The following DIAPH1 variants were observed in gnomAD, a reference collection of about 807,000 sequenced individuals.
The protein encoded by DIAPH1 is diaphanous related formin 1.
DIAPH1 carries 46 observed loss-of-function variants against 140.7 expected under a neutral mutation model. The observed-to-expected ratio is 0.33, with a 90% CI of 0.26 to 0.42. The LOEUF (loss-of-function observed/expected upper bound fraction) is 0.42, where lower values mean the gene tolerates loss of function less well. Ranked by LOEUF, DIAPH1 falls within the 10% of genes least tolerant of loss-of-function variation. DIAPH1 has a pLI of 1.00. For missense variants in DIAPH1, 1,310 were observed against 1,558.7 expected, an observed-to-expected ratio of 0.84 and a Z score of 2.69; for synonymous variants, 565 against 551.6, an observed-to-expected ratio of 1.02 and a Z score of -0.34.
intron 7 of DIAPH1, among the ~76,000 whole-genome samples, chr5:141,581,636 T>C (rs1330506403): frequency 1.3e-5 from 2 of 152,082 alleles, no homozygotes; most frequent in African/African-American, 4.8e-5. Flanking sequence ...TAGGTTGAAT[T>C]ACTAAACAGA....
Position 141,618,956 on chromosome 5 carries a change from TC to T in DIAPH1, c.-43del, listed in dbSNP as rs2099903161. On this transcript the variant is annotated 5_prime_UTR_variant, in exon 1 of 28. Coordinates refer to ENST00000389054, the MANE Select transcript of DIAPH1 (RefSeq NM_005219.5). ...GCCGGCGACCCCGCGCCTACGCCGC[TC>T]CCGCCTGGCAGCTCCGCGCCCGCCG... 1.6e-6 allele frequency: 2 copies of T among 1,236,410 alleles called. No individual in the cohort carries two copies. The highest frequency in any genetic ancestry group is 2.2e-6 in the Non-Finnish European group (2 of 922,538). 76.6% of individuals were successfully genotyped at this position (1,236,410 alleles called of 1,614,324 possible). A position where few individuals can be genotyped will look rare whatever the true frequency, so the allele number is the denominator to read the frequency against.
At chr5:141,555,423 T>C (rs1490931041) in intron 18 of DIAPH1, among the ~76,000 whole-genome samples, 3 of 152,196 alleles carry the variant, frequency 2.0e-5, no homozygotes, top group Non-Finnish European at 4.4e-5. Flanking sequence ...GGCAGTCAAA[T>C]GTAGAACCCA....
intron 16 of DIAPH1, among the ~76,000 whole-genome samples, chr5:141,573,184 C>G (rs1045361269): frequency 2.6e-5 from 4 of 152,100 alleles, no homozygotes; most frequent in Non-Finnish European, 5.9e-5. Context: ...CGCCTGTAAT[C>G]CCAGCACTTT....
At chr5:141,520,378 G>A (rs1308070130) in intron 27 of DIAPH1, among the ~76,000 whole-genome samples, 1 of 152,158 alleles carries the variant, frequency 6.6e-6, no homozygotes, top group Non-Finnish European at 1.5e-5. Flanking sequence ...TTGGAGGTGG[G>A]GCCTAGTGGG....
rs182114483 is a variant in DIAPH1, at chr5:141,561,247, T to C, written c.2482+10181A>G. ...GCTCTAAGAAGAGTTGGGGTTATTG[T>C]AGGATCAGGAGGAAAGAATGGTTCC... On this transcript the variant is annotated intron_variant, in intron 18 of 27. Coordinates refer to ENST00000389054, the MANE Select transcript of DIAPH1 (RefSeq NM_005219.5). 4.6e-5 allele frequency among the ~76,000 whole-genome samples: 7 copies of C among 152,212 alleles called. No homozygotes were observed. The East Asian group carries it at 1.4e-3, about 29-fold the overall frequency.
intron 19 of DIAPH1, 133 bp from the exon 20 acceptor site, chr5:141,529,830 TC>T: frequency 1.3e-6 from 1 of 776,634 alleles, no homozygotes; most frequent in Non-Finnish European, 2.2e-6. Context: ...ATGCCTGTAA[TC>T]CCAGCACTTC....
chr5:141,595,167 G>T (rs775038116), intron 1 of DIAPH1, among the ~76,000 whole-genome samples: 1 of 152,162 alleles, frequency 6.6e-6, no homozygotes, highest in Non-Finnish European at 1.5e-5. Flanking sequence ...AGGGTTGGGG[G>T]AGGCAGGTAG....
At chr5:141,548,280 T>TA (rs11377976) in intron 18 of DIAPH1, among the ~76,000 whole-genome samples, 24,788 of 134,684 alleles carry the variant, frequency 0.18, 2,368 homozygotes, top group Admixed American at 0.3. Flanking sequence ...TGGAATTCTT[T>TA]AAAAAAAAAA....
At chr5:141,584,084 C>T (rs2099897182) in intron 4 of DIAPH1, 40 bp downstream of exon 4, 1 of 1,303,596 alleles carries the variant, frequency 7.7e-7, no homozygotes, top group Non-Finnish European at 1.1e-6. Context: ...AAGACAAGGG[C>T]ACAGTCTCCC....
At chr5:141,524,721 C>G (rs1195330149) in intron 26 of DIAPH1, 1 of 228,772 alleles carries the variant, frequency 4.4e-6, no homozygotes, top group Non-Finnish European at 8.8e-6. Flanking sequence ...TGTCTAAGTC[C>G]TCTGCATCTA....
intron 1 of DIAPH1, among the ~76,000 whole-genome samples, chr5:141,600,601 C>A (rs574050313): frequency 1.3e-5 from 2 of 152,292 alleles, no homozygotes; most frequent in South Asian, 4.1e-4. Context: ...TTTGAGCAAA[C>A]ATGCTTAATT....
chr5:141,560,802 A>G, intron 18 of DIAPH1: 1 of 456,180 alleles, frequency 2.2e-6, no homozygotes, highest in Non-Finnish European at 4.4e-6. Context: ...GTAAGAGCAG[A>G]ACAAAGAGAA....
intron 1 of DIAPH1, chr5:141,618,532 G>A (rs1353902889): frequency 1.1e-5 from 4 of 369,582 alleles, no homozygotes; most frequent in South Asian, 3.6e-5. Context: ...GCCGGCCGGG[G>A]ATATGCGGGC....
chr5:141,618,066 T>C (rs183611211), intron 1 of DIAPH1, among the ~76,000 whole-genome samples: 41 of 152,288 alleles, frequency 2.7e-4, no homozygotes, highest in Admixed American at 2.5e-3. Context: ...AAGGGCACAA[T>C]CATGAGAGTT....
chr5:141,531,580 C>T (rs1239788429), intron 19 of DIAPH1, among the ~76,000 whole-genome samples: 6 of 152,062 alleles, frequency 3.9e-5, no homozygotes, highest in Admixed American at 1.3e-4. Flanking sequence ...CTCCGCTTCC[C>T]GGGTTCAAGC....
intron 18 of DIAPH1, among the ~76,000 whole-genome samples, chr5:141,570,274 C>T (rs2099894976): frequency 6.6e-6 from 1 of 152,164 alleles, no homozygotes; most frequent in Non-Finnish European, 1.5e-5. Flanking sequence ...TGTGAACTTA[C>T]AAATTAGAAA....
chr5:141,516,915 T>G lies in DIAPH1; in HGVS notation c.3755A>C (p.Lys1252Thr). ...AMAAVPAKVS[K>T]NSETFPTILE... ...GATTGTGGGGAATGTCTCACTGTTC[T>G]TGGACACCTTGGCAGGAACAGCAGC... is the stretch of plus-strand genomic sequence containing the variant. The change falls in exon 28 of 28, where the codon AAG becomes ACG. Residue 1252 changes from lysine (K) to threonine (T), a missense_variant. Physicochemically the swap from Lys to Thr is moderately conservative, Grantham distance 78. This residue lies in a region of DIAPH1 where 344 missense variants were observed against 512.2 expected (regional missense o/e 0.67). Transcript: ENST00000389054. The G allele has an allele frequency of 1.2e-6, 2 of 1,614,256 alleles. No homozygotes were observed. The highest frequency in any genetic ancestry group is 4.5e-5 in the East Asian group (2 of 44,892).
intron 18 of DIAPH1, among the ~76,000 whole-genome samples, chr5:141,547,967 G>A (rs1002719574): frequency 6.6e-6 from 1 of 152,172 alleles, no homozygotes; most frequent in Non-Finnish European, 1.5e-5. Context: ...AGAGGCTAAT[G>A]TGCGTGGATT....
At chr5:141,522,841 A>G (rs1255761254) in intron 27 of DIAPH1, among the ~76,000 whole-genome samples, 2 of 152,216 alleles carry the variant, frequency 1.3e-5, no homozygotes, top group Non-Finnish European at 2.9e-5. Flanking sequence ...TACTCAGAGA[A>G]TGCCAGAAAA....
Sources: gnomAD v4.1 joint callset for allele counts (sites outside exome capture counted in the v4.1 genomes callset) on GRCh38, gnomAD v4.1.1 for gene constraint, gnomAD v4.1.1 regional missense constraint, MANE v1.5 for transcripts, NCBI Gene and HGNC (gene_info 2026-07-23, HGNC 2026-07-21) for gene names.